NPAS3: variants seen among roughly 807,000 people sequenced by gnomAD.
NPAS3 encodes the protein neuronal PAS domain-containing protein 3.
Under a neutral mutation model 73.1 loss-of-function variants are expected in NPAS3, and 14 were observed. The observed-to-expected ratio is 0.19, with a 90% CI of 0.13 to 0.30. NPAS3 has a LOEUF of 0.30. Ranked by LOEUF, NPAS3 falls within the 10% of genes least tolerant of loss-of-function variation. NPAS3 has a pLI of 1.00. For synonymous variants in NPAS3, 620 were observed against 541.5 expected (o/e 1.14, Z -2.01); for missense variants, 1,096 against 1,250.0 (o/e 0.88, Z 1.86).
rs1307107277 is a variant in NPAS3 at position 33,505,933 on chromosome 14, G to GT, written c.469-54188_469-54187insT. 3.3e-5 allele frequency among the ~76,000 whole-genome samples: 5 copies of GT among 151,962 alleles called. No homozygotes were observed. The South Asian group carries it at 1.0e-3, about 32-fold the overall frequency. ...ATATGCCAAGCTCACTCTTCTTCAGGACTTTTACATCGCCTTTCTTTCTGT... is the reference window on the plus strand; with the variant it reads ...ATATGCCAAGCTCACTCTTCTTCAGGTACTTTTACATCGCCTTTCTTTCTGT... On this transcript the variant is annotated intron_variant, in intron 4 of 11. Transcript: ENST00000356141.
chr14:33,125,072 T>TC (rs1455875067), intron 2 of NPAS3, among the ~76,000 whole-genome samples: 1 of 152,092 alleles, frequency 6.6e-6, no homozygotes, highest in East Asian at 1.9e-4. Context: ...GTGTTCTTTT[T>TC]CCCACTAAAA....
intron 2 of NPAS3, among the ~76,000 whole-genome samples, chr14:33,134,364 G>C (rs138333738): frequency 6.6e-6 from 1 of 152,134 alleles, no homozygotes; most frequent in African/African-American, 2.4e-5. Context: ...CACTGTCAAC[G>C]GCGCTATCAT....
chr14:33,792,215 A>G (rs988349970), intron 9 of NPAS3, among the ~76,000 whole-genome samples: 3 of 152,146 alleles, frequency 2.0e-5, no homozygotes, highest in African/African-American at 4.8e-5. Context: ...GGAGAGTACA[A>G]TGCAACCTGT....
intron 5 of NPAS3, chr14:33,578,147 T>C: frequency 8.8e-6 from 4 of 456,038 alleles, no homozygotes; most frequent in South Asian, 6.2e-5. Context: ...TACTCTTACT[T>C]TGCCTCCTTC....
At chr14:33,207,210 G>A (rs367565785) in intron 2 of NPAS3, among the ~76,000 whole-genome samples, 49 of 149,920 alleles carry the variant, frequency 3.3e-4, no homozygotes, top group African/African-American at 9.6e-4. Context: ...ATGCTTTCCA[G>A]GAAGTTCTCA....
chr14:33,194,973 C>A (rs1478408462), intron 2 of NPAS3, among the ~76,000 whole-genome samples: 1 of 152,108 alleles, frequency 6.6e-6, no homozygotes, highest in South Asian at 2.1e-4. Context: ...ATATGACTTA[C>A]CTTAGGAACA....
chr14:33,713,957 G>A (rs536085738), intron 6 of NPAS3, among the ~76,000 whole-genome samples: 17 of 152,108 alleles, frequency 1.1e-4, no homozygotes, highest in East Asian at 5.8e-4. Flanking sequence ...CTCTTGTACA[G>A]GCTGTTTCTT....
chr14:32,950,363 G>A (rs2036432289), intron 1 of NPAS3, among the ~76,000 whole-genome samples: 1 of 152,048 alleles, frequency 6.6e-6, no homozygotes, highest in Admixed American at 6.6e-5. Flanking sequence ...AATTATATAT[G>A]CAAGAGTTAT....
chr14:33,683,057 T>A (rs1566419269), intron 6 of NPAS3, among the ~76,000 whole-genome samples: 1 of 11,910 alleles, frequency 8.4e-5, no homozygotes, highest in South Asian at 4.4e-3. Flanking sequence ...GAAACTAACT[T>A]TCTCTTCTCT....
intron 1 of NPAS3, among the ~76,000 whole-genome samples, chr14:32,950,746 T>C (rs2036450609): frequency 6.6e-6 from 1 of 152,126 alleles, no homozygotes; most frequent in African/African-American, 2.4e-5. Context: ...GATTGAGACA[T>C]AGCCCTTTTT....
chr14:33,492,619 G>A (rs146807836), intron 4 of NPAS3, among the ~76,000 whole-genome samples: 1 of 152,286 alleles, frequency 6.6e-6, no homozygotes, highest in African/African-American at 2.4e-5. Flanking sequence ...TATGTAAATA[G>A]GATACACATT....
chr14:33,476,507 A>T lies in NPAS3; in HGVS notation c.469-83614A>T, dbSNP rs927363891. Among the ~76,000 whole-genome samples the T allele has an allele frequency of 7.9e-5, 12 of 152,338 alleles. No individual in the cohort carries two copies. In the East Asian group the frequency reaches 2.3e-3, roughly 29 times the overall value. The stretch of plus-strand genomic sequence containing the variant: ...CCTCTCTGAATGTCGGTATTTCTAC[A>T]CAACTTTGATCATACTTGAACACTA... On this transcript the variant is annotated intron_variant, in intron 4 of 11. Coordinates refer to ENST00000356141, the Ensembl canonical transcript of NPAS3.
At chr14:33,393,711 G>A (rs547928716) in intron 4 of NPAS3, among the ~76,000 whole-genome samples, 2 of 152,234 alleles carry the variant, frequency 1.3e-5, no homozygotes, top group South Asian at 4.2e-4. Context: ...GGGACCCCGC[G>A]GCTGTTGGCT....
rs113778792 is a variant in NPAS3, at chr14:33,720,457, G to A, written c.734-14757G>A. On this transcript the variant is annotated intron_variant, in intron 6 of 11. Transcript: ENST00000356141. Reference sequence around the variant, plus strand: ...ACTTGGGTAGTTGTTTGATTGCTACGTGGGTCAGGGATCAGCTCCTGCTAC... The same window carrying A: ...ACTTGGGTAGTTGTTTGATTGCTACATGGGTCAGGGATCAGCTCCTGCTAC... 2.2e-3 allele frequency among the ~76,000 whole-genome samples: 341 copies of A among 152,294 alleles called. 3 individuals are homozygous for A. Among genetic ancestry groups the A allele is most frequent in the African/African-American group, 7.9e-3 (328 of 41,560 alleles).
At chr14:33,387,628 G>A (rs1397112446) in intron 4 of NPAS3, among the ~76,000 whole-genome samples, 1 of 152,106 alleles carries the variant, frequency 6.6e-6, no homozygotes, top group Non-Finnish European at 1.5e-5. Flanking sequence ...AGAGAGGGCA[G>A]GAGAAGGACA....
intron 6 of NPAS3, among the ~76,000 whole-genome samples, chr14:33,707,526 C>T (rs912575394): frequency 3.9e-5 from 6 of 152,198 alleles, no homozygotes; most frequent in Non-Finnish European, 5.9e-5. Flanking sequence ...AGAATCTCTT[C>T]GCCTGTCCCA....
intron 1 of NPAS3, among the ~76,000 whole-genome samples, chr14:33,000,162 GTTTTAT>G (rs77320106): frequency 2.0e-4 from 31 of 151,396 alleles, no homozygotes; most frequent in African/African-American, 6.6e-4. Context: ...TAAATAAAAT[GTTTTAT>G]TTTTATTTTT....
rs553127593 is a variant in NPAS3 at position 33,757,735 on chromosome 14, A to G, written c.853-16602A>G. On this transcript the variant is annotated intron_variant, in intron 7 of 11. Transcript: ENST00000356141. ...GATCAAGGATGAGCCAAGAGAAGTG[A>G]TGCACTCCCCTTTTCTGCCTTTGAA... 4.6e-5 allele frequency among the ~76,000 whole-genome samples: 7 copies of G among 152,324 alleles called. No homozygotes were observed. In the East Asian group the frequency reaches 1.3e-3, roughly 29 times the overall value.
chr14:33,282,538 G>A (rs950389099), intron 3 of NPAS3, among the ~76,000 whole-genome samples: 1 of 152,154 alleles, frequency 6.6e-6, no homozygotes, highest in African/African-American at 2.4e-5. Flanking sequence ...TGCGTAATTA[G>A]GACAGCCATG....
Sources: gnomAD v4.1 joint callset for allele counts (sites outside exome capture counted in the v4.1 genomes callset) on GRCh38, gnomAD v4.1.1 for gene constraint, MANE v1.5 for transcripts, NCBI Gene and HGNC (gene_info 2026-07-23, HGNC 2026-07-21) for gene names.